Variants in PLCXD2 observed in about 807,000 individuals in gnomAD.
The protein encoded by PLCXD2 is PI-PLC X domain-containing protein 2.
In PLCXD2, 21 loss-of-function variants were observed where a neutral mutation model predicts 28.6. That is an observed-to-expected ratio of 0.73 (90% confidence interval 0.52 to 1.06). The LOEUF is 1.06. PLCXD2 is among the 50% of genes least tolerant of loss of function. PLCXD2 has a pLI of 0.00. For missense variants in PLCXD2, 369 were observed against 376.7 expected (o/e 0.98, Z 0.17); for synonymous variants, 140 against 150.1 (o/e 0.93, Z 0.49).
At chr3:111,687,668 TTTTCTTTC>T (rs1205992735) in intron 1 of PLCXD2, among the ~76,000 whole-genome samples, 1 of 148,512 alleles carries the variant, frequency 6.7e-6, no homozygotes, top group Non-Finnish European at 1.5e-5. Flanking sequence ...TTTATGGGTT[TTTTCTTTC>T]TTTCTTTCTT....
intron 1 of PLCXD2, among the ~76,000 whole-genome samples, chr3:111,680,533 T>TC (rs1046772348): frequency 1.3e-5 from 2 of 151,958 alleles, no homozygotes; most frequent in East Asian, 1.9e-4. Context: ...TTTTGCTTTT[T>TC]CCCCCCTCTG....
At chr3:111,702,147 C>T (rs1254206602) in intron 1 of PLCXD2, among the ~76,000 whole-genome samples, 1 of 151,976 alleles carries the variant, frequency 6.6e-6, no homozygotes, top group Non-Finnish European at 1.5e-5. Flanking sequence ...CCCTGGAAAA[C>T]ATTTAAATTT....
chr3:111,680,517 G>A (rs780287226), intron 1 of PLCXD2, among the ~76,000 whole-genome samples: 1 of 151,310 alleles, frequency 6.6e-6, no homozygotes, highest in Non-Finnish European at 1.5e-5. Flanking sequence ...GTTTATTTTT[G>A]TTTTGTTTTG....
At chr3:111,689,304 C>T (rs1240916902) in intron 1 of PLCXD2, among the ~76,000 whole-genome samples, 1 of 152,138 alleles carries the variant, frequency 6.6e-6, no homozygotes, top group Admixed American at 6.5e-5. Flanking sequence ...GCCATGGTCA[C>T]CTGTAGAAGT....
chr3:111,675,744 G>A (rs544971253), intron 1 of PLCXD2, among the ~76,000 whole-genome samples: 1 of 152,086 alleles, frequency 6.6e-6, no homozygotes, highest in East Asian at 1.9e-4. Context: ...TCACTTGAAG[G>A]GGAAATCAAA....
intron 2 of PLCXD2, among the ~76,000 whole-genome samples, chr3:111,712,112 A>G (rs965245229): frequency 6.6e-6 from 1 of 152,178 alleles, no homozygotes. Flanking sequence ...ATCCCTGTAC[A>G]GTGGGAGTTG....
At chr3:111,714,778 G>A (rs1377151417) in intron 3 of PLCXD2, among the ~76,000 whole-genome samples, 2 of 152,132 alleles carry the variant, frequency 1.3e-5, no homozygotes, top group African/African-American at 4.8e-5. Context: ...GTGTGTGCGC[G>A]CACATATATG....
At chr3:111,692,617 C>A (rs1379643610) in intron 1 of PLCXD2, 1 of 152,290 alleles carries the variant, frequency 6.6e-6, no homozygotes, top group South Asian at 2.1e-4. Context: ...CTATTTATGT[C>A]ATTGACCCAG....
intron 3 of PLCXD2, among the ~76,000 whole-genome samples, chr3:111,717,388 G>A (rs907176360): frequency 1.3e-5 from 2 of 152,120 alleles, no homozygotes; most frequent in Admixed American, 1.3e-4. Flanking sequence ...GTTGCCTCAC[G>A]GGCCTGTCAG....
chr3:111,688,706 C>CA (rs1165758454), intron 1 of PLCXD2, among the ~76,000 whole-genome samples: 1 of 152,134 alleles, frequency 6.6e-6, no homozygotes, highest in East Asian at 1.9e-4. Context: ...AATTGCCTCC[C>CA]AAGGACTGAG....
chr3:111,700,089 G>A (rs1164792478), intron 1 of PLCXD2, among the ~76,000 whole-genome samples: 2 of 152,110 alleles, frequency 1.3e-5, no homozygotes, highest in African/African-American at 2.4e-5. Flanking sequence ...GTCAGCTTCC[G>A]TCCCAGAGAG....
chr3:111,687,582 G>C (rs1452902412), intron 1 of PLCXD2, among the ~76,000 whole-genome samples: 1 of 152,028 alleles, frequency 6.6e-6, no homozygotes, highest in African/African-American at 2.4e-5. Flanking sequence ...ACCTGAATTG[G>C]AATACAAGAT....
intron 1 of PLCXD2, among the ~76,000 whole-genome samples, chr3:111,686,448 T>G (rs1187300224): frequency 6.6e-6 from 1 of 152,196 alleles, no homozygotes; most frequent in African/African-American, 2.4e-5. Context: ...CTCTCTCAGA[T>G]TTTGCAGGCA....
rs752170813 is a variant in PLCXD2 at position 111,708,349 on chromosome 3, G to T, written c.587G>T (p.Ser196Ile). 2.1e-5 allele frequency: 34 copies of T among 1,614,006 alleles called. No homozygotes were observed. Among genetic ancestry groups the T allele is most frequent in the Non-Finnish European group, 2.7e-5 (32 of 1,180,044 alleles). The change falls in exon 2 of 5, where the codon AGT becomes ATT. Residue 196 changes from serine to isoleucine, a missense_variant. Coordinates refer to ENST00000477665, the MANE Select transcript of PLCXD2 (RefSeq NM_001185106.1). ...CTGTGCCCAGCCTGCAGTGTGGAAA[G>T]TTTGACGCTGCGAACTCTGTGGGAG...
At chr3:111,689,396 T>C (rs577519674) in intron 1 of PLCXD2, among the ~76,000 whole-genome samples, 36 of 152,368 alleles carry the variant, frequency 2.4e-4, no homozygotes, top group Non-Finnish European at 4.7e-4. Context: ...CTAAGCACTT[T>C]ATGCTTTGTG....
chr3:111,700,268 A>G (rs1315666478), intron 1 of PLCXD2, among the ~76,000 whole-genome samples: 2 of 152,244 alleles, frequency 1.3e-5, no homozygotes, highest in Admixed American at 6.5e-5. Flanking sequence ...GTATGCACAC[A>G]GAAAGGAAAA....
chr3:111,726,639 C>T (rs1173702543), intron 3 of PLCXD2: 1 of 152,156 alleles, frequency 6.6e-6, no homozygotes, highest in African/African-American at 2.4e-5. Context: ...GAAATGTATT[C>T]TGTGGCTTAA....
At chr3:111,726,474 C>T (rs961252866) in intron 3 of PLCXD2, 20 of 152,096 alleles carry the variant, frequency 1.3e-4, no homozygotes, top group African/African-American at 4.6e-4. Context: ...GATACGTGAA[C>T]CTGATAAATG....
intron 1 of PLCXD2, among the ~76,000 whole-genome samples, chr3:111,694,883 A>T (rs992179237): frequency 2.0e-5 from 3 of 152,140 alleles, no homozygotes. Context: ...TTCTTCCAGA[A>T]ACTTGGCCTG....
Sources: gnomAD v4.1 joint callset for allele counts (sites outside exome capture counted in the v4.1 genomes callset) on GRCh38, gnomAD v4.1.1 for gene constraint, MANE v1.5 for transcripts, NCBI Gene and HGNC (gene_info 2026-07-23, HGNC 2026-07-21) for gene names.